USP43: variants seen among roughly 807,000 people sequenced by gnomAD.
The protein encoded by USP43 is ubiquitin carboxyl-terminal hydrolase 43.
In USP43, 33 loss-of-function variants were observed where a neutral mutation model predicts 90.7. The ratio of observed to expected loss-of-function variants is 0.36; its 90% CI spans 0.28 to 0.49. The LOEUF (loss-of-function observed/expected upper bound fraction) is 0.49. USP43 is among the 20% of genes least tolerant of loss of function. The probability of loss-of-function intolerance (pLI) is 0.98; values close to 1 mark genes in which losing one functional copy is unlikely to be tolerated. For synonymous variants in USP43, 598 were observed against 615.8 expected (o/e 0.97, Z 0.43); for missense variants, 1,274 against 1,476.4 (o/e 0.86, Z 2.25).
chr17:9,680,180 G>C, intron 5 of USP43, 51 bp from the exon 6 acceptor site: 1 of 1,595,852 alleles, frequency 6.3e-7, no homozygotes. Context: ...TTTCTTATCT[G>C]TTGATTTCTC....
rs150657319 is a variant in USP43, at chr17:9,674,642, C to T, written c.741-249C>T. On this transcript the variant is annotated intron_variant, in intron 3 of 14. Transcript: ENST00000285199. The surrounding 1 kb of genome is among the most constrained non-coding windows in gnomAD (Gnocchi z 4.4). The stretch of plus-strand genomic sequence containing the variant: ...GCTGAGTTGTACTCTACTATGTGGA[C>T]GTATCATATTCTGTTTACCCATTTG... Among the ~76,000 whole-genome samples, 122 of 152,276 alleles carry T rather than the reference C, an allele frequency of 8.0e-4. No individual in the cohort carries two copies. Among genetic ancestry groups the T allele is most frequent in the African/African-American group, 2.7e-3 (113 of 41,564 alleles).
intron 5 of USP43, among the ~76,000 whole-genome samples, chr17:9,679,386 G>A (rs1417854887): frequency 6.6e-6 from 1 of 151,356 alleles, no homozygotes; most frequent in Non-Finnish European, 1.5e-5. Flanking sequence ...AAAAAATTGT[G>A]TAGAGATGTG....
chr17:9,721,823 A>T (rs189205828), intron 14 of USP43, among the ~76,000 whole-genome samples: 28 of 150,490 alleles, frequency 1.9e-4, no homozygotes, highest in Non-Finnish European at 3.4e-4. Context: ...TCCCAGGTTC[A>T]AGTGATTGTC....
intron 14 of USP43, among the ~76,000 whole-genome samples, chr17:9,725,890 A>G (rs942033317): frequency 5.9e-5 from 9 of 152,144 alleles, no homozygotes; most frequent in African/African-American, 2.2e-4. Flanking sequence ...AGGGCTGTGG[A>G]AGAGAAAAAA....
chr17:9,702,580 T>C (rs1915635494), intron 12 of USP43, among the ~76,000 whole-genome samples: 1 of 152,130 alleles, frequency 6.6e-6, no homozygotes, highest in African/African-American at 2.4e-5. Flanking sequence ...CATAAACAAA[T>C]GGCCAGATTT....
chr17:9,725,182 G>T (rs1260831947), intron 14 of USP43, among the ~76,000 whole-genome samples: 2 of 152,214 alleles, frequency 1.3e-5, no homozygotes, highest in African/African-American at 4.8e-5. Flanking sequence ...CATGGAGGGG[G>T]CTCTTGTGGG....
At chr17:9,664,636 ATT>A (rs371778793) in intron 2 of USP43, among the ~76,000 whole-genome samples, 35 of 134,182 alleles carry the variant, frequency 2.6e-4, no homozygotes, top group African/African-American at 4.7e-4. Context: ...CCTTGCATAG[ATT>A]TTTTTTTTTT....
At chr17:9,707,831 A>G (rs1179332287) in intron 12 of USP43, among the ~76,000 whole-genome samples, 4 of 152,152 alleles carry the variant, frequency 2.6e-5, no homozygotes, top group Admixed American at 6.5e-5. Context: ...TACCTGTTCT[A>G]TGCCAGGTCC....
At chr17:9,721,912 T>TTG in intron 14 of USP43, among the ~76,000 whole-genome samples, 1 of 150,718 alleles carries the variant, frequency 6.6e-6, no homozygotes, top group South Asian at 2.1e-4. Flanking sequence ...TTTTTTTTTT[T>TTG]GTATTTTTAG....
chr17:9,709,948 C>A lies in USP43; in HGVS notation c.2012-8C>A. 3 of 1,426,366 alleles carry A rather than the reference C, an allele frequency of 2.1e-6. No individual in the cohort carries two copies. The highest frequency in any genetic ancestry group is 2.8e-6 in the Non-Finnish European group (3 of 1,082,412). 88.4% of individuals were successfully genotyped at this position (1,426,366 alleles called of 1,614,324 possible). Reference sequence around the variant, plus strand: ...AATAACTCAGACTTGGGGATGGGACCTTTGCAGCCTACTGCCGGAACTCTC... The same window carrying A: ...AATAACTCAGACTTGGGGATGGGACATTTGCAGCCTACTGCCGGAACTCTC... On this transcript the variant is annotated splice_polypyrimidine_tract_variant and splice_region_variant and intron_variant, in intron 12 of 14. Transcript: ENST00000285199. The surrounding 1 kb of genome is among the most constrained non-coding windows in gnomAD (Gnocchi z 5.0).
chr17:9,664,672 C>T (rs1199654639), intron 2 of USP43, among the ~76,000 whole-genome samples: 1 of 146,556 alleles, frequency 6.8e-6, no homozygotes, highest in Non-Finnish European at 1.5e-5. Context: ...GAGTCTCGCT[C>T]TGTCACCCAG....
At chr17:9,712,910 A>G (rs1187638188) in intron 14 of USP43, among the ~76,000 whole-genome samples, 1 of 152,186 alleles carries the variant, frequency 6.6e-6, no homozygotes, top group Non-Finnish European at 1.5e-5. Flanking sequence ...CATGCGTACA[A>G]TGTGTTCATT....
intron 3 of USP43, among the ~76,000 whole-genome samples, chr17:9,672,046 G>A (rs1160777893): frequency 6.6e-6 from 1 of 151,858 alleles, no homozygotes; most frequent in East Asian, 1.9e-4. Flanking sequence ...ACCCATGCTG[G>A]AGTGCAATGG....
intron 1 of USP43, among the ~76,000 whole-genome samples, chr17:9,650,077 G>A (rs1911751442): frequency 6.6e-6 from 1 of 152,082 alleles, no homozygotes; most frequent in African/African-American, 2.4e-5. Flanking sequence ...CTTACGTTTT[G>A]TAAGTTCTGG....
intron 8 of USP43, 22 bp from the exon 9 acceptor site, chr17:9,693,105 A>C (rs1567667857): frequency 3.1e-6 from 5 of 1,596,616 alleles, no homozygotes; most frequent in Non-Finnish European, 4.3e-6. Context: ...GTAATGATCC[A>C]TGTCTGTTTT....
intron 14 of USP43, among the ~76,000 whole-genome samples, chr17:9,712,723 G>C (rs934409197): frequency 6.6e-6 from 1 of 152,184 alleles, no homozygotes; most frequent in African/African-American, 2.4e-5. Flanking sequence ...CTACCTTTCT[G>C]AGCTAGAGGT....
At chr17:9,706,631 A>AT (rs34165346) in intron 12 of USP43, among the ~76,000 whole-genome samples, 4,125 of 84,512 alleles carry the variant, frequency 0.049, 572 homozygotes, top group Non-Finnish European at 0.07. Flanking sequence ...TCAGATATTA[A>AT]TTTTTTTTTT....
At chr17:9,655,605 G>T (rs1567646761) in intron 1 of USP43, among the ~76,000 whole-genome samples, 1 of 152,212 alleles carries the variant, frequency 6.6e-6, no homozygotes, top group East Asian at 1.9e-4. Flanking sequence ...TACCAGGAAT[G>T]CAAACACCAC....
chr17:9,676,336 A>G (rs1200390180), intron 4 of USP43, among the ~76,000 whole-genome samples: 2 of 152,110 alleles, frequency 1.3e-5, no homozygotes, highest in Non-Finnish European at 2.9e-5. Flanking sequence ...GGAAGCGGAG[A>G]TTAACTATGT....
Sources: allele counts gnomAD v4.1 joint callset (sites outside exome capture counted in the v4.1 genomes callset), GRCh38; gene constraint gnomAD v4.1.1; non-coding constraint Gnocchi (gnomAD v3.1); transcripts MANE v1.5; gene names NCBI Gene and HGNC (gene_info 2026-07-23, HGNC 2026-07-21).